Variants in LAT2 observed in about 807,000 individuals in gnomAD.
The protein encoded by LAT2 is linker for activation of T-cells family member 2.
A neutral mutation model predicts 43.4 loss-of-function variants in LAT2; 23 were observed. The observed-to-expected ratio is 0.53, with a 90% confidence interval of 0.38 to 0.75. The LOEUF (loss-of-function observed/expected upper bound fraction) is 0.75. LAT2 is among the 30% of genes least tolerant of loss of function. The probability of loss-of-function intolerance (pLI) is 0.00; values close to 1 mark genes in which losing one functional copy is unlikely to be tolerated. For synonymous variants in LAT2, 128 were observed against 123.2 expected, an observed-to-expected ratio of 1.04 and a Z score of -0.26; for missense variants, 284 against 310.2, an observed-to-expected ratio of 0.92 and a Z score of 0.64.
intron 13 of LAT2, chr7:74,225,715 C>A (rs1802459892): frequency 6.6e-6 from 1 of 152,318 alleles, no homozygotes; most frequent in Non-Finnish European, 1.5e-5. Flanking sequence ...GCACGATGGA[C>A]CCCCAGAGGG....
Position 74,217,814 on chromosome 7 carries a change from C to T in LAT2, c.134+950C>T, listed in dbSNP as rs79329195. On this transcript the variant is annotated intron_variant, in intron 4 of 13. Coordinates refer to ENST00000460943, the MANE Select transcript of LAT2 (RefSeq NM_032464.3). ...AAACCTTGGAGGTCCATGTGCACCC[C>T]CGAGCAGTCACTCATGACCCACACA... 6.8e-3 allele frequency among the ~76,000 whole-genome samples: 1,031 copies of T among 152,286 alleles called. 14 individuals are homozygous for T. Among genetic ancestry groups the T allele is most frequent in the African/African-American group, 0.021 (884 of 41,554 alleles).
Position 74,220,377 on chromosome 7 carries a change from G to A in LAT2, c.265+123G>A. 2.3e-6 allele frequency: 3 copies of A among 1,288,962 alleles called. No homozygotes were observed. The highest frequency in any genetic ancestry group is 3.3e-6 in the Non-Finnish European group (3 of 908,246). The allele number at this position is 1,288,962 out of a possible 1,614,324, so 79.8% of individuals were successfully genotyped here. On this transcript the variant is annotated intron_variant, in intron 7 of 13. Coordinates refer to ENST00000460943, the MANE Select transcript of LAT2 (RefSeq NM_032464.3). The surrounding 1 kb of genome is among the most constrained non-coding windows in gnomAD (Gnocchi z 4.5). The stretch of plus-strand genomic sequence containing the variant: ...GGGGCCAGGCGAGGCCTCCCCAGGA[G>A]AGACACACAGGCTGGGGCAGGGCAG...
chr7:74,228,160 C>T (rs1274605586), intron 13 of LAT2, among the ~76,000 whole-genome samples: 2 of 80,016 alleles, frequency 2.5e-5, no homozygotes, highest in Non-Finnish European at 4.5e-5. Context: ...TGGGCAACTA[C>T]GTCTTAAAAA....
At chr7:74,221,768 A>C in intron 10 of LAT2, 76 bp downstream of exon 10, 1 of 1,292,158 alleles carries the variant, frequency 7.7e-7, no homozygotes, top group East Asian at 2.6e-5. Flanking sequence ...TCCAGGCAGG[A>C]GAGGAGGCTG....
chr7:74,219,996 T>C lies in LAT2; in HGVS notation c.215T>C (p.Met72Thr), dbSNP rs1554714882. 11 of 1,613,648 alleles carry C rather than the reference T, an allele frequency of 6.8e-6. No individual in the cohort carries two copies. The highest frequency in any genetic ancestry group is 9.3e-6 in the Non-Finnish European group (11 of 1,179,948). Residue 72 changes from methionine (M) to threonine (T), a missense_variant, in exon 6 of 14, where the codon ATG becomes ACG. Transcript: ENST00000460943. ...GQAWPGPLADMAPTRKDKLLQ... is the reference protein window; with the variant it reads ...GQAWPGPLADTAPTRKDKLLQ... ...GCATGGCCAGGACCCCTGGCGGACA[T>C]GGCACCCACAAGGTAGGTCACAGTC...
rs1563968568 is a variant in LAT2 at position 74,214,738 on chromosome 7, AAAATATATAAAT to A, written c.-218-82_-218-71del. On this transcript the variant is annotated intron_variant, in intron 1 of 13. Coordinates refer to ENST00000460943, the MANE Select transcript of LAT2 (RefSeq NM_032464.3). ...ATATATAAAAATATAAATATATATA[AAAATATATAAAT>A]ATATATATATAAACATATATATATA... is the stretch of plus-strand genomic sequence containing the variant. 68 of 101,896 alleles carry A rather than the reference AAAATATATAAAT, an allele frequency of 6.7e-4. 3 individuals are homozygous for A. The highest frequency in any genetic ancestry group is 3.0e-3 in the African/African-American group (66 of 22,076). The allele number at this position is 101,896 out of a possible 1,614,324, so 6.3% of individuals were successfully genotyped here.
chr7:74,220,043 A>C lies in LAT2; in HGVS notation c.227+35A>C, dbSNP rs373386828. On this transcript the variant is annotated intron_variant, in intron 6 of 13. Coordinates refer to ENST00000460943, the MANE Select transcript of LAT2 (RefSeq NM_032464.3). This position sits in a 1 kb window ranked among gnomAD's most constrained non-coding sequence, Gnocchi z 4.5. ...AGTCCCCCAGGAAGTGACAAGAATG[A>C]AAGTCCTGGAGGTCCTCACCTGGTG... The C allele has an allele frequency of 1.2e-6, 2 of 1,610,320 alleles. No individual in the cohort carries two copies. Among genetic ancestry groups the C allele is most frequent in the South Asian group, 2.2e-5 (2 of 90,694 alleles).
intron 1 of LAT2, among the ~76,000 whole-genome samples, chr7:74,210,956 G>A (rs1248851837): frequency 6.6e-6 from 1 of 152,118 alleles, no homozygotes; most frequent in Non-Finnish European, 1.5e-5. Context: ...GAACCGGCAG[G>A]GTGGTCTCGA....
intron 2 of LAT2, among the ~76,000 whole-genome samples, chr7:74,215,653 A>C (rs1554714124): frequency 6.6e-6 from 1 of 152,150 alleles, no homozygotes; most frequent in African/African-American, 2.4e-5. Context: ...GCAGTTGTCT[A>C]GATTAAGCGA....
At chr7:74,227,885 A>C (rs991331972) in intron 13 of LAT2, among the ~76,000 whole-genome samples, 1 of 151,896 alleles carries the variant, frequency 6.6e-6, no homozygotes, top group Non-Finnish European at 1.5e-5. Flanking sequence ...AACAAAAACA[A>C]AAAGAAGAGG....
intron 11 of LAT2, 100 bp downstream of exon 11, chr7:74,223,883 T>G: frequency 6.7e-7 from 1 of 1,484,424 alleles, no homozygotes; most frequent in Non-Finnish European, 9.4e-7. Flanking sequence ...GCCCCCACTT[T>G]GAAGCCTGAA....
intron 13 of LAT2, among the ~76,000 whole-genome samples, chr7:74,227,761 T>C (rs1016799708): frequency 5.3e-5 from 8 of 152,100 alleles, no homozygotes; most frequent in Admixed American, 5.2e-4. Flanking sequence ...TAGTCCCAGC[T>C]ACTCGGAGGT....
intron 1 of LAT2, among the ~76,000 whole-genome samples, chr7:74,214,165 AATATATATATGAAAATATATATAAAT>A (rs1801865377): frequency 1.0e-5 from 1 of 98,366 alleles, no homozygotes; most frequent in Non-Finnish European, 1.8e-5. Flanking sequence ...TATATATGAA[AATATATATATGAAAATATATATAAAT>A]ATATATATGA....
At chr7:74,217,441 AAAAG>A (rs1554714447) in intron 4 of LAT2, among the ~76,000 whole-genome samples, 1 of 151,842 alleles carries the variant, frequency 6.6e-6, no homozygotes, top group Non-Finnish European at 1.5e-5. Context: ...AGAAAAGAAA[AAAAG>A]AAAAGAAAAA....
Position 74,224,049 on chromosome 7 carries a change from C to T in LAT2, c.480C>T (p.Cys160=). The part of the protein sequence containing the change: ...GAQQEGIGGL[C]RGDLSLSLAL... The stretch of plus-strand genomic sequence containing the variant: ...AGCAGGAGGGCATAGGTGGCCTCTG[C>T]AGAGGGGACCTCAGCCTGTCACTGG... The change falls in exon 12 of 14, where the codon TGC becomes TGT. Residue 160 remains cysteine, a synonymous_variant. Coordinates refer to ENST00000460943, the MANE Select transcript of LAT2 (RefSeq NM_032464.3). The T allele has an allele frequency of 6.2e-7, 1 of 1,614,122 alleles. No individual in the cohort carries two copies. Among genetic ancestry groups the T allele is most frequent in the Non-Finnish European group, 8.5e-7 (1 of 1,180,016 alleles).
At chr7:74,221,492 T>A in intron 9 of LAT2, 145 bp from the exon 10 acceptor site, 3 of 340,426 alleles carry the variant, frequency 8.8e-6, no homozygotes, top group Non-Finnish European at 1.1e-5. Flanking sequence ...GGTGGGGGAA[T>A]CAGAGAGGAG....
chr7:74,217,600 A>C (rs1802091256), intron 4 of LAT2, among the ~76,000 whole-genome samples: 1 of 152,166 alleles, frequency 6.6e-6, no homozygotes, highest in Non-Finnish European at 1.5e-5. Flanking sequence ...ACTCCCCTGG[A>C]AAAAACTGCC....
chr7:74,212,160 G>T (rs1257761596), intron 1 of LAT2, among the ~76,000 whole-genome samples: 1 of 151,964 alleles, frequency 6.6e-6, no homozygotes, highest in African/African-American at 2.4e-5. Context: ...GTCCATGCTG[G>T]TCTCGAACTC....
intron 4 of LAT2, among the ~76,000 whole-genome samples, chr7:74,219,028 T>C (rs1349115877): frequency 5.1e-5 from 5 of 98,128 alleles, no homozygotes; most frequent in Non-Finnish European, 8.1e-5. Context: ...TTTTTTTTTT[T>C]TTTTTTTTTT....
Sources: gnomAD v4.1 joint callset for allele counts (sites outside exome capture counted in the v4.1 genomes callset) on GRCh38, gnomAD v4.1.1 for gene constraint, Gnocchi (gnomAD v3.1) non-coding constraint, MANE v1.5 for transcripts, NCBI Gene and HGNC (gene_info 2026-07-23, HGNC 2026-07-21) for gene names.